The following FYTTD1 variants were observed in gnomAD, a reference collection of about 807,000 sequenced individuals.
FYTTD1 encodes forty-two-three domain containing 1, also known as UAP56-interacting factor.
A neutral mutation model predicts 40.9 loss-of-function variants in FYTTD1; 22 were observed. That is an observed-to-expected ratio of 0.54 (90% CI 0.38 to 0.77). The LOEUF is 0.77. FYTTD1 is among the 30% of genes least tolerant of loss of function. The probability of loss-of-function intolerance (pLI) is 0.00; values close to 1 mark genes in which losing one functional copy is unlikely to be tolerated. For synonymous variants in FYTTD1, 140 were observed against 137.9 expected (o/e 1.01, Z -0.10); for missense variants, 351 against 392.2 (o/e 0.90, Z 0.89).
Position 197,786,086 on chromosome 3 carries a change from TTTC to T in FYTTD1, c.*4180_*4182del, listed in dbSNP as rs1337352243. On this transcript the variant is annotated 3_prime_UTR_variant, in exon 9 of 9. Transcript: ENST00000241502. ...TATTTCCCTTCTCACCACAGTTTAT[TTTC>T]TTTTTTCTTTTTCTTTTTTTTTTTT... 1.3e-5 allele frequency: 2 copies of T among 151,680 alleles called. No individual in the cohort carries two copies. Among genetic ancestry groups the T allele is most frequent in the Non-Finnish European group, 2.9e-5 (2 of 68,020 alleles). 9.4% of individuals were successfully genotyped at this position (151,680 alleles called of 1,614,324 possible). A position where few individuals can be genotyped will look rare whatever the true frequency, so the allele number is the denominator to read the frequency against.
At position 197,778,369 on chromosome 3, in the gene FYTTD1, G is replaced by A; in HGVS notation, c.763G>A (p.Val255Ile). Residue 255 changes from valine (V) to isoleucine (I), a missense_variant, in exon 8 of 9, where the codon GTA (valine) becomes ATA (isoleucine). By Grantham distance (29) the Val-to-Ile change is conservative (BLOSUM62 3). Transcript: ENST00000241502. ...GAAACCACGATTAACTCGTACTGCTGTACCTTCATTTTTAACAAAGCGGGA... is the reference window on the plus strand; with the variant it reads ...GAAACCACGATTAACTCGTACTGCTATACCTTCATTTTTAACAAAGCGGGA... ...TQKPRLTRTA[V>I]PSFLTKREQS... The A allele has an allele frequency of 6.2e-7, 1 of 1,611,936 alleles. No homozygotes were observed. Among genetic ancestry groups the A allele is most frequent in the South Asian group, 1.1e-5 (1 of 90,702 alleles).
In FYTTD1 at chr3:197,755,708, G is replaced by A. The variant is rs186950926; in HGVS notation, c.104-718G>A. The A allele has an allele frequency of 6.4e-4, 636 of 990,988 alleles. 4 individuals carry two copies. In the African/African-American group the frequency reaches 9.8e-3, roughly 15 times the overall value. 61.4% of individuals were successfully genotyped at this position (990,988 alleles called of 1,614,324 possible). ...TCACCATGTTGGTCAGGCCAGTCCCGAACTCCTGACCTCAAATGATCCGCC... is the reference window on the plus strand; with the variant it reads ...TCACCATGTTGGTCAGGCCAGTCCCAAACTCCTGACCTCAAATGATCCGCC... On this transcript the variant is annotated intron_variant, in intron 1 of 8. Coordinates refer to ENST00000241502, the MANE Select transcript of FYTTD1 (RefSeq NM_032288.7).
Position 197,761,449 on chromosome 3 carries a change from A to C in FYTTD1, c.235+4892A>C, listed in dbSNP as rs2109041539. On this transcript the variant is annotated intron_variant, in intron 2 of 8. Coordinates refer to ENST00000241502, the MANE Select transcript of FYTTD1 (RefSeq NM_032288.7). ...TGTTCCTCAGTGGTAGAACGTATAG[A>C]GTGTTCTTCAGTGGTAGAATGTATA... Among the ~76,000 whole-genome samples the C allele has an allele frequency of 2.7e-5, 4 of 150,886 alleles. No homozygotes were observed. In the Middle Eastern group the frequency reaches 0.014, roughly 543 times the overall value.
intron 1 of FYTTD1, among the ~76,000 whole-genome samples, chr3:197,756,157 G>A (rs955217824): frequency 6.6e-6 from 1 of 152,130 alleles, no homozygotes; most frequent in Admixed American, 6.5e-5. Flanking sequence ...AGGCTTCTGT[G>A]ATTATGGGAA....
chr3:197,764,167 CTA>C (rs754581760), intron 2 of FYTTD1, among the ~76,000 whole-genome samples: 1 of 152,176 alleles, frequency 6.6e-6, no homozygotes, highest in Non-Finnish European at 1.5e-5. Context: ...TGAATGAAAA[CTA>C]AGAAAAGACT....
chr3:197,755,072 G>T (rs1729171325), intron 1 of FYTTD1, among the ~76,000 whole-genome samples: 1 of 152,180 alleles, frequency 6.6e-6, no homozygotes, highest in Admixed American at 6.5e-5. Flanking sequence ...GTGTATTTTT[G>T]TTTGTGAATT....
chr3:197,766,476 GCTC>G (rs1177547850), intron 2 of FYTTD1, among the ~76,000 whole-genome samples: 23 of 44,792 alleles, frequency 5.1e-4, no homozygotes, highest in African/African-American at 1.2e-3. Flanking sequence ...ACAGGGTCTT[GCTC>G]TGTCACCCCA....
chr3:197,756,185 G>A (rs1268889596), intron 1 of FYTTD1, among the ~76,000 whole-genome samples: 1 of 152,094 alleles, frequency 6.6e-6, no homozygotes, highest in Non-Finnish European at 1.5e-5. Flanking sequence ...GGAATAACTT[G>A]TAAACAGGCT....
intron 1 of FYTTD1, among the ~76,000 whole-genome samples, chr3:197,753,288 GT>G (rs1464707580): frequency 2.6e-5 from 4 of 152,108 alleles, no homozygotes; most frequent in African/African-American, 9.7e-5. Context: ...AGAGTACCAA[GT>G]TTACCAATAG....
chr3:197,766,867 G>T (rs1729565955), intron 2 of FYTTD1, among the ~76,000 whole-genome samples: 1 of 152,148 alleles, frequency 6.6e-6, no homozygotes. Context: ...AATTACTACA[G>T]ATGATAGTCT....
At chr3:197,753,026 G>A (rs1267496040) in intron 1 of FYTTD1, among the ~76,000 whole-genome samples, 2 of 152,168 alleles carry the variant, frequency 1.3e-5, no homozygotes, top group East Asian at 3.8e-4. Context: ...CTTGGAGGTA[G>A]CAATGAAGTG....
chr3:197,749,818 GGCCCC>G, upstream of FYTTD1: 1 of 476,026 alleles, frequency 2.1e-6, no homozygotes, highest in Non-Finnish European at 3.6e-6. Flanking sequence ...GAGTGTCGGT[GGCCCC>G]GCCCCGCCCG....
intron 4 of FYTTD1, among the ~76,000 whole-genome samples, chr3:197,771,764 G>A (rs13089486): frequency 0.74 from 87,599 of 118,934 alleles, 33,493 homozygotes; most frequent in East Asian, 0.94. Context: ...GCGACAGAGC[G>A]AGACTCCGTC....
At chr3:197,756,173 T>C (rs980002428) in intron 1 of FYTTD1, among the ~76,000 whole-genome samples, 1 of 152,118 alleles carries the variant, frequency 6.6e-6, no homozygotes, top group East Asian at 1.9e-4. Context: ...GGGAAGTAAG[T>C]AGGAATAACT....
rs371852705 is a variant in FYTTD1 at position 197,775,072 on chromosome 3, A to G, written c.656+862A>G. Among the ~76,000 whole-genome samples the G allele has an allele frequency of 7.9e-5, 12 of 152,310 alleles. No homozygotes were observed. The East Asian group carries it at 2.3e-3, about 29-fold the overall frequency. ...TTATTGGCTATACCATTTTAATGAA[A>G]CAGCTTTTTCTTTTTCTTTTTTTTG... is the stretch of plus-strand genomic sequence containing the variant. On this transcript the variant is annotated intron_variant, in intron 6 of 8. Coordinates refer to ENST00000241502, the MANE Select transcript of FYTTD1 (RefSeq NM_032288.7).
chr3:197,772,501 G>A (rs1006533993), intron 4 of FYTTD1, among the ~76,000 whole-genome samples: 5 of 152,130 alleles, frequency 3.3e-5, no homozygotes, highest in South Asian at 2.1e-4. Flanking sequence ...AAACTTGCAC[G>A]TTCAGCACGT....
intron 1 of FYTTD1, among the ~76,000 whole-genome samples, chr3:197,754,082 A>G (rs1320244493): frequency 1.3e-5 from 2 of 151,844 alleles, no homozygotes; most frequent in Admixed American, 6.6e-5. Flanking sequence ...TCAGAATTGT[A>G]CTTTGCCTCT....
intron 2 of FYTTD1, among the ~76,000 whole-genome samples, chr3:197,760,612 A>G (rs1431823125): frequency 6.6e-6 from 1 of 151,774 alleles, no homozygotes; most frequent in East Asian, 2.0e-4. Flanking sequence ...GGTAGAATGT[A>G]TAGAGTTGTT....
chr3:197,766,822 C>G (rs1005614991), intron 2 of FYTTD1, among the ~76,000 whole-genome samples: 4 of 152,014 alleles, frequency 2.6e-5, no homozygotes, highest in African/African-American at 9.7e-5. Context: ...AGTTCACCTT[C>G]TACTATAAAA....
Sources: allele counts gnomAD v4.1 joint callset (sites outside exome capture counted in the v4.1 genomes callset), GRCh38; gene constraint gnomAD v4.1.1; transcripts MANE v1.5; gene names NCBI Gene and HGNC (gene_info 2026-07-23, HGNC 2026-07-21).